The following CSTF3 variants were observed in gnomAD, a reference collection of about 807,000 sequenced individuals.
CSTF3 encodes the protein CF-1 77 kDa subunit.
A neutral mutation model predicts 105.8 loss-of-function variants in CSTF3; 29 were observed. That is an observed-to-expected ratio of 0.27 (90% confidence interval 0.20 to 0.37). CSTF3 has a LOEUF of 0.37. Among genes scored for constraint, CSTF3 ranks in the 10% least tolerant of loss-of-function variants. The probability of loss-of-function intolerance (pLI) is 1.00; values close to 1 mark genes in which losing one functional copy is unlikely to be tolerated. For missense variants in CSTF3, 357 were observed against 879.3 expected, an observed-to-expected ratio of 0.41 and a Z score of 7.51; for synonymous variants, 252 against 281.9, an observed-to-expected ratio of 0.89 and a Z score of 1.06.
chr11:33,156,176 A>G (rs1024564594), intron 1 of CSTF3, among the ~76,000 whole-genome samples: 5 of 152,230 alleles, frequency 3.3e-5, no homozygotes, highest in Admixed American at 1.3e-4. Context: ...TTGCCTGCCC[A>G]AAACTGTTAC....
chr11:33,090,404 TC>T (rs939974185), intron 17 of CSTF3, 127 bp downstream of exon 17: 25 of 552,700 alleles, frequency 4.5e-5, no homozygotes, highest in Non-Finnish European at 6.0e-5. Flanking sequence ...TGAACTTTTT[TC>T]TTGCTTCCTG....
chr11:33,095,548 G>A (rs1251353222), intron 15 of CSTF3, among the ~76,000 whole-genome samples: 3 of 152,096 alleles, frequency 2.0e-5, no homozygotes, highest in South Asian at 2.1e-4. Flanking sequence ...CCGGCCGGGC[G>A]CGGTGGCTCA....
At chr11:33,132,635 C>G (rs751859411) in intron 3 of CSTF3, among the ~76,000 whole-genome samples, 29 of 152,092 alleles carry the variant, frequency 1.9e-4, no homozygotes, top group Admixed American at 1.4e-3. Context: ...AAAAAGGAAC[C>G]TTTTTGGCAA....
At chr11:33,103,524 T>C (rs1279085682) in intron 8 of CSTF3, among the ~76,000 whole-genome samples, 1 of 152,152 alleles carries the variant, frequency 6.6e-6, no homozygotes, top group Non-Finnish European at 1.5e-5. Flanking sequence ...TCTTAGCACT[T>C]TGGGAGGCCG....
At chr11:33,156,704 A>G in intron 1 of CSTF3, 2 of 453,914 alleles carry the variant, frequency 4.4e-6, no homozygotes, top group Non-Finnish European at 8.8e-6. Flanking sequence ...GGCTGGACTC[A>G]CACCTGTAAT....
chr11:33,103,955 A>G (rs1163244449), intron 8 of CSTF3, among the ~76,000 whole-genome samples: 1 of 152,082 alleles, frequency 6.6e-6, no homozygotes, highest in Non-Finnish European at 1.5e-5. Flanking sequence ...TGCCTCAGAC[A>G]TAGGACTACA....
At chr11:33,160,812 C>T (rs1849930562) in intron 1 of CSTF3, among the ~76,000 whole-genome samples, 1 of 152,204 alleles carries the variant, frequency 6.6e-6, no homozygotes. Flanking sequence ...AAAACCTCAG[C>T]ATAACTTGCT....
rs146267790 is a variant in CSTF3, at chr11:33,098,492, G to T, written c.1128+198C>A. On this transcript the variant is annotated intron_variant, in intron 13 of 20. Transcript: ENST00000323959. Reference sequence around the variant, plus strand: ...AGGGAAGGGTTATATCTACAAAGGGGTCACATGGGGGAATTTTTGGAGGAT... The same window carrying T: ...AGGGAAGGGTTATATCTACAAAGGGTTCACATGGGGGAATTTTTGGAGGAT... Among the ~76,000 whole-genome samples, 524 of 152,236 alleles carry T rather than the reference G, an allele frequency of 3.4e-3. 4 individuals carry two copies. The highest frequency in any genetic ancestry group is 0.012 in the African/African-American group (494 of 41,554).
At chr11:33,104,330 G>A (rs906616867) in intron 8 of CSTF3, among the ~76,000 whole-genome samples, 2 of 152,058 alleles carry the variant, frequency 1.3e-5, no homozygotes, top group African/African-American at 4.8e-5. Flanking sequence ...TTTTACAGAG[G>A]CTACGTGACA....
chr11:33,145,896 G>A (rs1180519853), intron 1 of CSTF3, among the ~76,000 whole-genome samples: 1 of 151,976 alleles, frequency 6.6e-6, no homozygotes, highest in African/African-American at 2.4e-5. Flanking sequence ...ACTGGTGAGG[G>A]TAAGCAGAAA....
At chr11:33,131,898 ATTGTGGTTTTACAGGGTACTATTCT>A (rs538860889) in intron 3 of CSTF3, among the ~76,000 whole-genome samples, 2,195 of 152,196 alleles carry the variant, frequency 0.014, 62 homozygotes, top group African/African-American at 0.05. Flanking sequence ...TGATAATGGT[ATTGTGGTTTTACAGGGTACTATTCT>A]TTGTGGTTTT....
chr11:33,128,286 T>C (rs1855565249), intron 3 of CSTF3, among the ~76,000 whole-genome samples: 1 of 152,144 alleles, frequency 6.6e-6, no homozygotes, highest in Non-Finnish European at 1.5e-5. Context: ...ATGAAGACTA[T>C]TAAAGGGAAA....
intron 3 of CSTF3, among the ~76,000 whole-genome samples, chr11:33,139,032 TCA>T (rs1855682407): frequency 6.6e-6 from 1 of 151,918 alleles, no homozygotes; most frequent in African/African-American, 2.4e-5. Flanking sequence ...TGCTCAACTC[TCA>T]GTTATGAGCA....
At chr11:33,102,549 C>T (rs1348581861) in intron 9 of CSTF3, among the ~76,000 whole-genome samples, 1 of 152,168 alleles carries the variant, frequency 6.6e-6, no homozygotes, top group Non-Finnish European at 1.5e-5. Context: ...GTAAACAAAA[C>T]ACCCATGGGC....
intron 1 of CSTF3, 118 bp downstream of exon 1, chr11:33,161,181 C>A: frequency 9.3e-7 from 1 of 1,077,702 alleles, no homozygotes; most frequent in South Asian, 1.3e-5. Context: ...CTTCTATATA[C>A]CCTGTCCCCC....
At chr11:33,107,719 G>A (rs2133778657) in intron 5 of CSTF3, among the ~76,000 whole-genome samples, 184 bp downstream of exon 5, 1 of 152,336 alleles carries the variant, frequency 6.6e-6, no homozygotes, top group Non-Finnish European at 1.5e-5. Context: ...ATTCTCCAGA[G>A]TAAGACTCAT....
intron 13 of CSTF3, among the ~76,000 whole-genome samples, chr11:33,097,393 G>A (rs185500385): frequency 1.8e-4 from 27 of 151,338 alleles, no homozygotes; most frequent in South Asian, 4.2e-4. Context: ...TTTTTGAGAC[G>A]GAGTCTCGCT....
At chr11:33,092,044 A>G (rs922568581) in intron 16 of CSTF3, among the ~76,000 whole-genome samples, 1 of 152,218 alleles carries the variant, frequency 6.6e-6, no homozygotes, top group African/African-American at 2.4e-5. Context: ...GAAAGATGAT[A>G]ATAAATTGCT....
chr11:33,125,290 G>A (rs1199551124), intron 3 of CSTF3, among the ~76,000 whole-genome samples: 1 of 152,072 alleles, frequency 6.6e-6, no homozygotes, highest in African/African-American at 2.4e-5. Context: ...TCTAGTTTCT[G>A]AAGTCTTTGG....
Sources: allele counts gnomAD v4.1 joint callset (sites outside exome capture counted in the v4.1 genomes callset), GRCh38; gene constraint gnomAD v4.1.1; transcripts MANE v1.5; gene names NCBI Gene and HGNC (gene_info 2026-07-23, HGNC 2026-07-21).